CPAMD8: variants seen among roughly 807,000 people sequenced by gnomAD.
CPAMD8 encodes the protein C3 and PZP-like alpha-2-macroglobulin domain-containing protein 8.
CPAMD8 carries 146 observed loss-of-function variants against 224.7 expected under a neutral mutation model. The observed-to-expected ratio is 0.65, with a 90% CI of 0.57 to 0.75. CPAMD8 has a LOEUF of 0.75. Ranked by LOEUF, CPAMD8 falls within the 30% of genes least tolerant of loss-of-function variation. The pLI, the probability that CPAMD8 is intolerant of heterozygous loss-of-function variation, is 0.00. For missense variants in CPAMD8, 2,301 were observed against 2,537.5 expected (o/e 0.91, Z 2.00); for synonymous variants, 966 against 1,044.6 (o/e 0.92, Z 1.45).
intron 19 of CPAMD8, chr19:16,957,575 G>A (rs1391333785): frequency 2.0e-5 from 7 of 358,170 alleles, no homozygotes; most frequent in African/African-American, 1.5e-4. Flanking sequence ...ATTTTAATGA[G>A]CTCGTTATAC....
chr19:16,974,982 A>G lies in CPAMD8; in HGVS notation c.2070+115T>C, dbSNP rs888871858. 1.2e-4 allele frequency: 169 copies of G among 1,380,832 alleles called. 1 individual carries two copies. Among genetic ancestry groups the G allele is most frequent in the Middle Eastern group, 2.6e-4 (1 of 3,838 alleles). The allele number at this position is 1,380,832 out of a possible 1,614,324, so 85.5% of individuals were successfully genotyped here. On this transcript the variant is annotated intron_variant, in intron 17 of 41. Transcript: ENST00000443236. ...AGAGCGAGACCCCATCTCGAAAAAA[A>G]GAAAGAAAAGCTTCCAATTCTGTTT...
intron 27 of CPAMD8, among the ~76,000 whole-genome samples, chr19:16,921,557 T>A (rs1225145989): frequency 1.3e-5 from 2 of 152,114 alleles, no homozygotes; most frequent in Non-Finnish European, 2.9e-5. Context: ...CCCTCTGCCC[T>A]GCCATCTCCT....
In CPAMD8 at chr19:16,997,195, G is replaced by A. The variant is rs1490107977; in HGVS notation, c.1011C>T (p.Thr337=). The A allele has an allele frequency of 1.9e-6, 3 of 1,586,436 alleles. No individual in the cohort carries two copies. Among genetic ancestry groups the A allele is most frequent in the African/African-American group, 1.3e-5 (1 of 74,434 alleles). Reference sequence around the variant, plus strand: ...TGTCCACCAGCTGCCTCTGCACGGGGGTGGAGTCATCGAACGCGACCTGCT... The same window carrying A: ...TGTCCACCAGCTGCCTCTGCACGGGAGTGGAGTCATCGAACGCGACCTGCT... ...GSQQVAFDDS[T]PVQRQLVDIR... The change falls in exon 11 of 42, where the codon ACC becomes ACT. Residue 337 remains threonine, a synonymous_variant. Coordinates refer to ENST00000443236, the MANE Select transcript of CPAMD8 (RefSeq NM_015692.5).
chr19:16,926,304 C>CTTTATTTTATTTTAT (rs559214843), intron 25 of CPAMD8, among the ~76,000 whole-genome samples: 4,319 of 150,538 alleles, frequency 0.029, 153 homozygotes, highest in African/African-American at 0.084. Context: ...TTCTTTCCTT[C>CTTTATTTTATTTTAT]TTTATTTTAT....
chr19:16,899,849 G>A lies in CPAMD8; in HGVS notation c.4774-300C>T, dbSNP rs1417896171. ...AAGAGGTGCCCGGCTGAGCCCTGCC[G>A]CCTGCTGGTGTCTCAGCTGCACTGT... On this transcript the variant is annotated intron_variant, in intron 36 of 41. Transcript: ENST00000443236. The surrounding 1 kb of genome is among the most constrained non-coding windows in gnomAD (Gnocchi z 5.4). Among the ~76,000 whole-genome samples the A allele has an allele frequency of 2.0e-5, 3 of 151,552 alleles. No homozygotes were observed. Among genetic ancestry groups the A allele is most frequent in the Admixed American group, 1.3e-4 (2 of 15,226 alleles).
intron 17 of CPAMD8, among the ~76,000 whole-genome samples, chr19:16,973,164 G>C (rs1224800577): frequency 1.3e-5 from 2 of 152,028 alleles, no homozygotes; most frequent in Admixed American, 6.6e-5. Context: ...GTGAGATCTT[G>C]TCTCAAAAAA....
At chr19:16,896,851 T>A in intron 39 of CPAMD8, 186 bp from the exon 40 acceptor site, 1 of 415,550 alleles carries the variant, frequency 2.4e-6, no homozygotes, top group Non-Finnish European at 4.2e-6. Flanking sequence ...GGTATTTGCC[T>A]AATACTTACA....
At chr19:16,988,620 C>CA (rs900961858) in intron 13 of CPAMD8, among the ~76,000 whole-genome samples, 426 of 138,382 alleles carry the variant, frequency 3.1e-3, no homozygotes, top group African/African-American at 9.6e-3. Context: ...AAAAACAAAA[C>CA]AAAAAAAAAA....
Position 16,904,505 on chromosome 19 carries a change from C to A in CPAMD8, c.4075G>T (p.Gly1359Cys), listed in dbSNP as rs756430073. 1 of 1,614,156 alleles carries A rather than the reference C, an allele frequency of 6.2e-7. No homozygotes were observed. The highest frequency in any genetic ancestry group is 8.5e-7 in the Non-Finnish European group (1 of 1,180,012). The change falls in exon 31 of 42, where the codon GGC becomes TGC. Residue 1359 changes from glycine to cysteine, a missense_variant. By Grantham distance (159) the Gly-to-Cys change is radical. This residue lies in a region of CPAMD8 where 1,709 missense variants were observed against 1,753.2 expected (regional missense o/e 0.97). Coordinates refer to ENST00000443236, the MANE Select transcript of CPAMD8 (RefSeq NM_015692.5). ...CTGTCACTGAAGCTCAAGAATGTGCCCTTGTCCACGTCCCAGGAATTTGAC... is the reference window on the plus strand; with the variant it reads ...CTGTCACTGAAGCTCAAGAATGTGCACTTGTCCACGTCCCAGGAATTTGAC... ...SLSNSWDVDK[G>C]TFLSFSDRVS...
chr19:17,012,340 T>C (rs2056679896), intron 3 of CPAMD8, among the ~76,000 whole-genome samples: 1 of 124,474 alleles, frequency 8.0e-6, no homozygotes, highest in African/African-American at 2.8e-5. Context: ...CTTTCTTTCT[T>C]TCTTTCTTTC....
At chr19:16,953,559 G>C (rs2054365451) in intron 19 of CPAMD8, among the ~76,000 whole-genome samples, 1 of 151,568 alleles carries the variant, frequency 6.6e-6, no homozygotes, top group Non-Finnish European at 1.5e-5. Flanking sequence ...AATTTAGCCA[G>C]GAGTGGTGGT....
intron 30 of CPAMD8, 40 bp from the exon 31 acceptor site, chr19:16,904,592 G>T (rs1216445899): frequency 2.9e-6 from 4 of 1,384,458 alleles, no homozygotes; most frequent in African/African-American, 2.8e-5. Context: ...AACCCACCCA[G>T]TGTGTAGCCT....
At chr19:17,018,919 A>AG (rs2056882976) in intron 3 of CPAMD8, among the ~76,000 whole-genome samples, 1 of 93,684 alleles carries the variant, frequency 1.1e-5, no homozygotes, top group African/African-American at 4.6e-5. Flanking sequence ...AAAAAAAAAA[A>AG]GAAAAAAAAA....
intron 3 of CPAMD8, among the ~76,000 whole-genome samples, chr19:17,014,394 G>A (rs370180339): frequency 6.6e-6 from 1 of 151,922 alleles, no homozygotes; most frequent in Non-Finnish European, 1.5e-5. Context: ...TGGGCAGAAC[G>A]CCCTGGCATG....
intron 10 of CPAMD8, 111 bp downstream of exon 10, chr19:17,000,303 T>A: frequency 1.7e-6 from 1 of 598,702 alleles, no homozygotes; most frequent in Non-Finnish European, 3.0e-6. Flanking sequence ...AAAAACTTTT[T>A]AAAGGCAGTA....
At chr19:16,989,612 G>A in intron 13 of CPAMD8, 31 bp downstream of exon 13, 3 of 1,609,326 alleles carry the variant, frequency 1.9e-6, no homozygotes, top group Non-Finnish European at 2.5e-6. Context: ...ATCCCGCATG[G>A]CCCAGGAAGG....
chr19:16,965,184 T>C (rs1371507381), intron 18 of CPAMD8, among the ~76,000 whole-genome samples: 1 of 151,560 alleles, frequency 6.6e-6, no homozygotes, highest in Non-Finnish European at 1.5e-5. Flanking sequence ...GGTGTGAACC[T>C]GGGAGGCAGA....
chr19:17,001,484 A>G, intron 9 of CPAMD8, among the ~76,000 whole-genome samples: 1 of 91,658 alleles, frequency 1.1e-5, no homozygotes, highest in Admixed American at 9.0e-5. Context: ...GGGGTAGGGC[A>G]TTCTTTGGGG....
At chr19:17,008,626 A>G in intron 6 of CPAMD8, 67 bp from the exon 7 acceptor site, 1 of 1,544,408 alleles carries the variant, frequency 6.5e-7, no homozygotes, top group Non-Finnish European at 9.0e-7. Flanking sequence ...TGCCCAATGT[A>G]AGGATTTTCC....
Sources: gnomAD v4.1 joint callset for allele counts (sites outside exome capture counted in the v4.1 genomes callset) on GRCh38, gnomAD v4.1.1 for gene constraint, gnomAD v4.1.1 regional missense constraint, Gnocchi (gnomAD v3.1) non-coding constraint, MANE v1.5 for transcripts, NCBI Gene and HGNC (gene_info 2026-07-23, HGNC 2026-07-21) for gene names.